The following SAP30BP variants were observed in gnomAD, a reference collection of about 807,000 sequenced individuals.
SAP30BP encodes SAP30 binding protein, also known as SAP30-binding protein.
A neutral mutation model predicts 46.3 loss-of-function variants in SAP30BP; 31 were observed. That is an observed-to-expected ratio of 0.67 (90% CI 0.50 to 0.90). SAP30BP has a LOEUF of 0.90. Ranked by LOEUF, SAP30BP falls within the 40% of genes least tolerant of loss-of-function variation. The probability of loss-of-function intolerance (pLI) is 0.00; values close to 1 mark genes in which losing one functional copy is unlikely to be tolerated. For missense variants in SAP30BP, 312 were observed against 391.0 expected, an observed-to-expected ratio of 0.80 and a Z score of 1.70; for synonymous variants, 169 against 144.2, an observed-to-expected ratio of 1.17 and a Z score of -1.23.
At chr17:75,684,302 T>G (rs1474686706) in intron 3 of SAP30BP, among the ~76,000 whole-genome samples, 2 of 152,202 alleles carry the variant, frequency 1.3e-5, no homozygotes, top group African/African-American at 4.8e-5. Context: ...TTGTAGTGGG[T>G]TCTACGTTTA....
chr17:75,696,559 AAAG>A (rs1490786249), intron 4 of SAP30BP, among the ~76,000 whole-genome samples: 3 of 151,630 alleles, frequency 2.0e-5, no homozygotes, highest in Admixed American at 6.6e-5. Context: ...AAAAAAAAAA[AAAG>A]AAAAGAAACA....
intron 4 of SAP30BP, among the ~76,000 whole-genome samples, chr17:75,695,279 C>T (rs181724367): frequency 1.3e-5 from 2 of 152,344 alleles, no homozygotes; most frequent in East Asian, 3.9e-4. Context: ...ACTCTCCCTT[C>T]CCCAGATGTG....
intron 1 of SAP30BP, chr17:75,668,255 TTATC>T (rs2059837144): frequency 2.4e-6 from 1 of 411,524 alleles, no homozygotes; most frequent in Non-Finnish European, 4.3e-6. Flanking sequence ...ACTTTAGTGT[TTATC>T]TAGTGTTTAT....
At chr17:75,671,730 C>A in intron 2 of SAP30BP, 86 bp from the exon 3 acceptor site, 1 of 999,724 alleles carries the variant, frequency 1.0e-6, no homozygotes, top group Non-Finnish European at 1.6e-6. Flanking sequence ...GGTAAATGGG[C>A]TGTTTGCTCC....
chr17:75,695,879 A>G (rs930734435), intron 4 of SAP30BP, among the ~76,000 whole-genome samples: 1 of 152,112 alleles, frequency 6.6e-6, no homozygotes, highest in African/African-American at 2.4e-5. Flanking sequence ...CCCACGGCTG[A>G]GCCTGGAGCA....
chr17:75,703,495 C>G, intron 7 of SAP30BP, 124 bp downstream of exon 7: 1 of 796,442 alleles, frequency 1.3e-6, no homozygotes, highest in Non-Finnish European at 2.1e-6. Context: ...AAAGCACAGT[C>G]CCTGTCTCTT....
At chr17:75,668,181 C>A (rs747645426) in intron 1 of SAP30BP, 26 of 241,786 alleles carry the variant, frequency 1.1e-4, no homozygotes, top group Middle Eastern at 1.3e-3. Flanking sequence ...TTAGGTACTT[C>A]CATGTTTTGT....
intron 8 of SAP30BP, 38 bp from the exon 9 acceptor site, chr17:75,704,718 G>A (rs749966323): frequency 2.0e-5 from 30 of 1,538,072 alleles, no homozygotes; most frequent in South Asian, 4.5e-5. Context: ...AGAGCTGCTC[G>A]GGGGCCACCT....
intron 3 of SAP30BP, among the ~76,000 whole-genome samples, chr17:75,677,287 T>C (rs1353759977): frequency 6.6e-6 from 1 of 151,742 alleles, no homozygotes; most frequent in Admixed American, 6.6e-5. Context: ...GTGTTTTTAG[T>C]AGAGACAGGG....
chr17:75,704,182 CTG>C (rs1029499657), intron 8 of SAP30BP, among the ~76,000 whole-genome samples: 5 of 152,210 alleles, frequency 3.3e-5, no homozygotes, highest in Non-Finnish European at 5.9e-5. Context: ...ACTGACAAAA[CTG>C]TGTTCAAGCT....
Position 75,706,261 on chromosome 17 carries a change from C to T in SAP30BP, c.746-79C>T. On this transcript the variant is annotated intron_variant, in intron 10 of 10. Transcript: ENST00000584667. This position sits in a 1 kb window ranked among gnomAD's most constrained non-coding sequence, Gnocchi z 4.6. The stretch of plus-strand genomic sequence containing the variant: ...CACTTCGGGGTCTGCTCCCTAGACT[C>T]CCGCTGGCCTGCAGGGGGAAGGGAA... 6.4e-7 allele frequency: 1 copy of T among 1,552,672 alleles called. No homozygotes were observed. Among genetic ancestry groups the T allele is most frequent in the East Asian group, 2.2e-5 (1 of 44,482 alleles).
intron 3 of SAP30BP, among the ~76,000 whole-genome samples, chr17:75,688,418 C>A (rs2060193589): frequency 6.6e-6 from 1 of 152,204 alleles, no homozygotes; most frequent in South Asian, 2.1e-4. Flanking sequence ...AACAGGAAAC[C>A]CCCAGTCTGT....
chr17:75,682,835 T>C (rs1348398922), intron 3 of SAP30BP, among the ~76,000 whole-genome samples: 1 of 151,084 alleles, frequency 6.6e-6, no homozygotes, highest in South Asian at 2.1e-4. Context: ...TGGTGGCACG[T>C]GCCTGTAATC....
chr17:75,667,798 G>A (rs2059821883), intron 1 of SAP30BP, among the ~76,000 whole-genome samples: 1 of 152,236 alleles, frequency 6.6e-6, no homozygotes, highest in South Asian at 2.1e-4. Flanking sequence ...TGATGAGGGA[G>A]AGCGATAAGT....
chr17:75,689,732 C>T (rs939502088), intron 3 of SAP30BP, among the ~76,000 whole-genome samples: 31 of 152,136 alleles, frequency 2.0e-4, no homozygotes, highest in African/African-American at 6.3e-4. Context: ...ACGCTGCTGG[C>T]GGGGAAGAGA....
rs767356977 is a variant in SAP30BP, at chr17:75,668,570, TA to T, written c.162del (p.Gly56ValfsTer88). On this transcript the variant is annotated frameshift_variant, in exon 2 of 11. Coordinates refer to ENST00000584667, the MANE Select transcript of SAP30BP (RefSeq NM_013260.8). LOFTEE classifies it high-confidence loss of function. Reference sequence around the variant, plus strand: ...TATGGGGAGGATGACTTTTCTCGTCTAGGGGGTGATGAAGATGGTTATGAAG... The same window carrying T: ...TATGGGGAGGATGACTTTTCTCGTCTGGGGGTGATGAAGATGGTTATGAAG... ...DAYGEDDFSR[L>X]GGDEDGYEEE... 5 of 1,606,498 alleles carry T rather than the reference TA, an allele frequency of 3.1e-6. No individual in the cohort carries two copies. The highest frequency in any genetic ancestry group is 1.7e-5 in the Admixed American group (1 of 58,240).
At chr17:75,704,233 A>G (rs1281035557) in intron 8 of SAP30BP, among the ~76,000 whole-genome samples, 3 of 152,190 alleles carry the variant, frequency 2.0e-5, no homozygotes, top group Non-Finnish European at 4.4e-5. Flanking sequence ...AGGTGTAGGC[A>G]GAATGTTCTG....
At chr17:75,690,746 G>A (rs1384555839) in intron 3 of SAP30BP, 1 of 456,618 alleles carries the variant, frequency 2.2e-6, no homozygotes, top group Admixed American at 2.3e-5. Context: ...TCAGAGGGCA[G>A]AAGAATCACA....
At chr17:75,705,800 T>C in intron 9 of SAP30BP, 2 of 1,037,460 alleles carry the variant, frequency 1.9e-6, no homozygotes, top group Non-Finnish European at 2.6e-6. Flanking sequence ...AGGGATACAG[T>C]ACTGTTTGGA....
Sources: allele counts gnomAD v4.1 joint callset (sites outside exome capture counted in the v4.1 genomes callset), GRCh38; gene constraint gnomAD v4.1.1; non-coding constraint Gnocchi (gnomAD v3.1); transcripts MANE v1.5; gene names NCBI Gene and HGNC (gene_info 2026-07-23, HGNC 2026-07-21).